LTN1: variants seen among roughly 807,000 people sequenced by gnomAD.
The protein encoded by LTN1 is E3 ubiquitin-protein ligase listerin.
In LTN1, 88 loss-of-function variants were observed where a neutral mutation model predicts 201.2. The observed-to-expected ratio is 0.44, with a 90% CI of 0.37 to 0.52. LTN1 has a LOEUF of 0.52. LTN1 is among the 20% of genes least tolerant of loss of function. LTN1 has a pLI of 0.00. For synonymous variants in LTN1, 645 were observed against 713.5 expected (o/e 0.90, Z 1.53); for missense variants, 1,752 against 2,038.7 (o/e 0.86, Z 2.71).
In LTN1 at chr21:28,965,679, C is replaced by T. The variant is rs557975070; in HGVS notation, c.2163+186G>A. Among the ~76,000 whole-genome samples the T allele has an allele frequency of 4.6e-5, 7 of 152,022 alleles. No individual in the cohort carries two copies. In the East Asian group the frequency reaches 1.4e-3, roughly 29 times the overall value. ...CCTAATATTACTAACCAGAAAAATACTACTACAGGAAAGGAAAAGAACAAA... is the reference window on the plus strand; with the variant it reads ...CCTAATATTACTAACCAGAAAAATATTACTACAGGAAAGGAAAAGAACAAA... On this transcript the variant is annotated intron_variant, in intron 11 of 29. Coordinates refer to ENST00000361371, the MANE Select transcript of LTN1 (RefSeq NM_015565.3).
chr21:28,979,656 G>C (rs1433993657), intron 6 of LTN1, among the ~76,000 whole-genome samples: 2 of 152,098 alleles, frequency 1.3e-5, no homozygotes, highest in Non-Finnish European at 2.9e-5. Flanking sequence ...AAATTAATTT[G>C]TAACCCCAAA....
At position 28,966,679 on chromosome 21, in the gene LTN1, ATAAT is replaced by A. The variant is rs777398024; in HGVS notation, c.1808_1811del (p.Asn603MetfsTer11). The A allele has an allele frequency of 1.9e-6, 3 of 1,614,058 alleles. No individual in the cohort carries two copies. The highest frequency in any genetic ancestry group is 2.5e-6 in the Non-Finnish European group (3 of 1,179,998). On this transcript the variant is annotated frameshift_variant, in exon 10 of 30. Coordinates refer to ENST00000361371, the MANE Select transcript of LTN1 (RefSeq NM_015565.3). LOFTEE classifies it high-confidence loss of function. The stretch of plus-strand genomic sequence containing the variant: ...GTTGCTCTGACTTTCGTTCATTGAC[ATAAT>A]TAATACTTATATCTGCGAGTTTACA...
Position 28,957,043 on chromosome 21 carries a change from C to T in LTN1, c.2893-95G>A, listed in dbSNP as rs867412124. ...TTGTGAGAATATTTATTACCAAAACCACAGAAACCTAGAAGTTTGTTTTCT... is the reference window on the plus strand; with the variant it reads ...TTGTGAGAATATTTATTACCAAAACTACAGAAACCTAGAAGTTTGTTTTCT... On this transcript the variant is annotated intron_variant, in intron 15 of 29. Coordinates refer to ENST00000361371, the MANE Select transcript of LTN1 (RefSeq NM_015565.3). 1.4e-4 allele frequency: 109 copies of T among 792,796 alleles called. 1 individual carries two copies. In the Middle Eastern group the frequency reaches 5.0e-3, roughly 36 times the overall value. The allele number at this position is 792,796 out of a possible 1,614,324, so 49.1% of individuals were successfully genotyped here. A position where few individuals can be genotyped will look rare whatever the true frequency, so the allele number is the denominator to read the frequency against.
chr21:28,959,321 G>C, intron 13 of LTN1, 137 bp downstream of exon 13: 1 of 985,652 alleles, frequency 1.0e-6, no homozygotes, highest in Non-Finnish European at 1.5e-6. Flanking sequence ...AAGTGTTTAA[G>C]ACTGTAGCCC....
rs909098776 is a variant in LTN1, at chr21:28,971,173, T to C, written c.984+98A>G. On this transcript the variant is annotated intron_variant, in intron 7 of 29. Coordinates refer to ENST00000361371, the MANE Select transcript of LTN1 (RefSeq NM_015565.3). The stretch of plus-strand genomic sequence containing the variant: ...CTTTAAGATTTATGCCAAGTTTAGA[T>C]TATTTTATTTCCAAGAAAGCATTTT... 22 of 984,342 alleles carry C rather than the reference T, an allele frequency of 2.2e-5. No individual in the cohort carries two copies. The Admixed American group carries it at 5.4e-4, about 24-fold the overall frequency. The allele number at this position is 984,342 out of a possible 1,614,324, so 61.0% of individuals were successfully genotyped here.
In LTN1 at chr21:28,981,197, A is replaced by C; in HGVS notation, c.732T>G (p.Leu244=). ...RLLCLLPDNE[L]DSLEEKFKSL... is the part of the protein sequence containing the mutation. The stretch of plus-strand genomic sequence containing the variant: ...ACTTAAATTTCTCCTCCAGAGAATC[A>C]AGCTCATTATCAGGTAAAAGGCAAA... Residue 244 remains leucine (L), a synonymous_variant, in exon 6 of 30, where the codon CTT becomes CTG. Coordinates refer to ENST00000361371, the MANE Select transcript of LTN1 (RefSeq NM_015565.3). 6 of 1,599,672 alleles carry C rather than the reference A, an allele frequency of 3.8e-6. No homozygotes were observed. The highest frequency in any genetic ancestry group is 1.3e-5 in the African/African-American group (1 of 74,348).
At chr21:28,930,584 T>C (rs2084202997) in intron 29 of LTN1, 74 bp from the exon 30 acceptor site, 1 of 960,456 alleles carries the variant, frequency 1.0e-6, no homozygotes, top group South Asian at 1.5e-5. Context: ...AAAGTACACA[T>C]ACATCTATAG....
In LTN1 at chr21:28,986,031, A is replaced by G; in HGVS notation, c.345+108T>C. ...TCAATCTGCATAACAATGCTGACAT[A>G]ACATTTAATAACCCTCACCAAAAAT... On this transcript the variant is annotated intron_variant, in intron 3 of 29. Transcript: ENST00000361371. The surrounding 1 kb of genome is among the most constrained non-coding windows in gnomAD (Gnocchi z 4.1). 1.5e-6 allele frequency: 1 copy of G among 660,188 alleles called. No homozygotes were observed. The highest frequency in any genetic ancestry group is 2.7e-6 in the Non-Finnish European group (1 of 365,536). 40.9% of individuals were successfully genotyped at this position (660,188 alleles called of 1,614,324 possible). A position where few individuals can be genotyped will look rare whatever the true frequency, so the allele number is the denominator to read the frequency against.
At chr21:28,959,373 A>G (rs2084454834) in intron 13 of LTN1, 85 bp downstream of exon 13, 1 of 1,467,658 alleles carries the variant, frequency 6.8e-7, no homozygotes, top group South Asian at 1.4e-5. Flanking sequence ...ATTATAATTC[A>G]ATTAATAAAG....
chr21:28,961,461 ATGT>A (rs2084478380), intron 11 of LTN1: 1 of 167,934 alleles, frequency 6.0e-6, no homozygotes, highest in Admixed American at 6.6e-5. Context: ...ATGCTGATCC[ATGT>A]TCCCAGAGCT....
intron 1 of LTN1, 97 bp from the exon 2 acceptor site, chr21:28,987,031 T>G: frequency 1.5e-6 from 1 of 688,068 alleles, no homozygotes; most frequent in Non-Finnish European, 2.3e-6. Flanking sequence ...AGAATGAGCT[T>G]TTATTTTATT....
At chr21:28,983,091 A>G (rs11088104) in intron 4 of LTN1, among the ~76,000 whole-genome samples, 17,291 of 152,230 alleles carry the variant, frequency 0.11, 1,282 homozygotes, top group East Asian at 0.39. Context: ...AGTATGATAT[A>G]CTATCTATAA....
At chr21:28,931,578 T>C (rs965163768) in intron 28 of LTN1, among the ~76,000 whole-genome samples, 1 of 152,260 alleles carries the variant, frequency 6.6e-6, no homozygotes, top group Admixed American at 6.5e-5. Flanking sequence ...TAGTCTAAGC[T>C]TGTTGCTTGA....
At chr21:28,947,008 T>C (rs369265558) in intron 19 of LTN1, among the ~76,000 whole-genome samples, 9 of 152,330 alleles carry the variant, frequency 5.9e-5, no homozygotes, top group African/African-American at 2.2e-4. Flanking sequence ...CTTCTATACA[T>C]AGCACATCTT....
Position 28,929,418 on chromosome 21 carries a change from T to A in LTN1, c.*1030A>T, listed in dbSNP as rs941364435. The A allele has an allele frequency of 1.3e-5, 2 of 152,638 alleles. No homozygotes were observed. Among genetic ancestry groups the A allele is most frequent in the Admixed American group, 1.3e-4 (2 of 15,298 alleles). The allele number at this position is 152,638 out of a possible 1,614,324, so 9.5% of individuals were successfully genotyped here. A position where few individuals can be genotyped will look rare whatever the true frequency, so the allele number is the denominator to read the frequency against. On this transcript the variant is annotated 3_prime_UTR_variant, in exon 30 of 30. Coordinates refer to ENST00000361371, the MANE Select transcript of LTN1 (RefSeq NM_015565.3). The stretch of plus-strand genomic sequence containing the variant: ...GGTTTTCACTTACTCCACTTCAGCC[T>A]ATTATACTGAATTTTACCTAGTGCT...
rs1172777756 is a variant in LTN1, at chr21:28,986,885, G to A, written c.92C>T (p.Thr31Ile). ...TCCAAAACCAATAAATCCAGGCACT[G>A]TTCCCTGTTCTTTGGCAAGGAGTTC... is the stretch of plus-strand genomic sequence containing the variant. ...AAELLAKEQG[T>I]VPGFIGFGTS... Residue 31 changes from threonine (T) to isoleucine (I), a missense_variant, in exon 2 of 30, where the codon ACA becomes ATA. By Grantham distance (89) the Thr-to-Ile change is moderately conservative. Coordinates refer to ENST00000361371, the MANE Select transcript of LTN1 (RefSeq NM_015565.3). The surrounding 1 kb of genome is among the most constrained non-coding windows in gnomAD (Gnocchi z 4.1). 4 of 1,614,030 alleles carry A rather than the reference G, an allele frequency of 2.5e-6. No homozygotes were observed. The highest frequency in any genetic ancestry group is 2.2e-5 in the South Asian group (2 of 91,088).
intron 24 of LTN1, 92 bp downstream of exon 24, chr21:28,943,170 A>G: frequency 1.5e-6 from 1 of 687,256 alleles, no homozygotes; most frequent in Non-Finnish European, 2.5e-6. Context: ...ATATAACTCT[A>G]TAGCTTCTGT....
chr21:28,963,514 A>G (rs2084496864), intron 11 of LTN1, among the ~76,000 whole-genome samples: 2 of 152,242 alleles, frequency 1.3e-5, no homozygotes, highest in South Asian at 2.1e-4. Flanking sequence ...AAATTCTACA[A>G]TAAGTAGAAA....
chr21:28,943,217 G>T, intron 24 of LTN1, 45 bp downstream of exon 24: 2 of 1,178,344 alleles, frequency 1.7e-6, no homozygotes, highest in South Asian at 1.3e-5. Flanking sequence ...TAAGTGAGAT[G>T]GATTATAAGA....
Sources: gnomAD v4.1 joint callset for allele counts (sites outside exome capture counted in the v4.1 genomes callset) on GRCh38, gnomAD v4.1.1 for gene constraint, Gnocchi (gnomAD v3.1) non-coding constraint, MANE v1.5 for transcripts, NCBI Gene and HGNC (gene_info 2026-07-23, HGNC 2026-07-21) for gene names.